ARRB1: variants seen among roughly 807,000 people sequenced by gnomAD.
ARRB1 encodes arrestin beta 1, also known as beta-arrestin-1.
A neutral mutation model predicts 56.8 loss-of-function variants in ARRB1; 21 were observed. The ratio of observed to expected loss-of-function variants is 0.37; its 90% CI spans 0.26 to 0.53. ARRB1 has a LOEUF of 0.53. Ranked by LOEUF, ARRB1 falls within the 20% of genes least tolerant of loss-of-function variation. The pLI, the probability that ARRB1 is intolerant of heterozygous loss-of-function variation, is 0.88. For synonymous variants in ARRB1, 210 were observed against 218.6 expected (o/e 0.96, Z 0.35); for missense variants, 424 against 553.7 (o/e 0.77, Z 2.35).
In ARRB1 at chr11:75,268,968, G is replaced by GAGACCC; in HGVS notation, c.1023-15_1023-10dup. ...GTTCCACGGCCACGTCGCTGAAACA[G>GAGACCC]AGACCCAGACCCAGTGAGCCTTGAG... is the stretch of plus-strand genomic sequence containing the variant. On this transcript the variant is annotated splice_polypyrimidine_tract_variant and intron_variant, in intron 13 of 15. Coordinates refer to ENST00000420843, the MANE Select transcript of ARRB1 (RefSeq NM_004041.5). 1 of 1,609,026 alleles carries GAGACCC rather than the reference G, an allele frequency of 6.2e-7. No individual in the cohort carries two copies. The highest frequency in any genetic ancestry group is 2.2e-5 in the East Asian group (1 of 44,826).
chr11:75,300,957 G>A, intron 1 of ARRB1, among the ~76,000 whole-genome samples: 1 of 121,488 alleles, frequency 8.2e-6, no homozygotes, highest in Non-Finnish European at 1.6e-5. Flanking sequence ...GACAGAGCGA[G>A]ACTCCGTCTC....
intron 9 of ARRB1, among the ~76,000 whole-genome samples, chr11:75,277,114 C>G (rs1946217929): frequency 6.6e-6 from 1 of 152,242 alleles, no homozygotes; most frequent in African/African-American, 2.4e-5. Flanking sequence ...AAAGCCTTCC[C>G]CTCAAGGACA....
chr11:75,314,643 C>T (rs1014121328), intron 1 of ARRB1, among the ~76,000 whole-genome samples: 3 of 152,136 alleles, frequency 2.0e-5, no homozygotes, highest in African/African-American at 7.2e-5. Context: ...CTTTGTTGCC[C>T]AGGCTGGAGT....
chr11:75,342,873 T>G (rs1466910069), intron 1 of ARRB1, among the ~76,000 whole-genome samples: 2 of 152,170 alleles, frequency 1.3e-5, no homozygotes, highest in Non-Finnish European at 2.9e-5. Flanking sequence ...GAAAATACAG[T>G]CTTCAAGCAA....
At chr11:75,280,357 G>T (rs373568536) in intron 7 of ARRB1, among the ~76,000 whole-genome samples, 4 of 152,198 alleles carry the variant, frequency 2.6e-5, no homozygotes, top group African/African-American at 9.6e-5. Context: ...CTCAGCCCAC[G>T]CCCTAAAAAG....
intron 1 of ARRB1, among the ~76,000 whole-genome samples, chr11:75,326,193 GGGA>G (rs1947430766): frequency 6.6e-6 from 1 of 152,226 alleles, no homozygotes; most frequent in African/African-American, 2.4e-5. Flanking sequence ...GCTCCAGGCT[GGGA>G]GGAGGAGGGT....
At chr11:75,346,679 T>C (rs1172386810) in intron 1 of ARRB1, among the ~76,000 whole-genome samples, 1 of 152,168 alleles carries the variant, frequency 6.6e-6, no homozygotes, top group African/African-American at 2.4e-5. Context: ...CCCTGCTTCT[T>C]TGGCTCCAAG....
chr11:75,317,824 G>C (rs531923795), intron 1 of ARRB1, among the ~76,000 whole-genome samples: 91 of 152,276 alleles, frequency 6.0e-4, no homozygotes, highest in Admixed American at 1.2e-3. Context: ...TGAGGACAGC[G>C]AGACTCTGAA....
chr11:75,314,914 C>T (rs1196820995), intron 1 of ARRB1, among the ~76,000 whole-genome samples: 1 of 152,180 alleles, frequency 6.6e-6, no homozygotes, highest in Non-Finnish European at 1.5e-5. Context: ...GCCAACAGTG[C>T]CTTTCTTCAC....
In ARRB1 at chr11:75,278,596, C is replaced by G. The variant is rs773562343; in HGVS notation, c.618+13G>C. On this transcript the variant is annotated intron_variant, in intron 8 of 15. Coordinates refer to ENST00000420843, the MANE Select transcript of ARRB1 (RefSeq NM_004041.5). Reference sequence around the variant, plus strand: ...GAGCAGCCCCCACCCCCTGCCAAGTCCGAGCCTCCTACCTCCTTATCCAGA... The same window carrying G: ...GAGCAGCCCCCACCCCCTGCCAAGTGCGAGCCTCCTACCTCCTTATCCAGA... 2 of 1,613,988 alleles carry G rather than the reference C, an allele frequency of 1.2e-6. No homozygotes were observed. Among genetic ancestry groups the G allele is most frequent in the South Asian group, 1.1e-5 (1 of 91,072 alleles).
chr11:75,284,310 T>C (rs754097421), intron 3 of ARRB1, 31 bp from the exon 4 acceptor site: 21 of 1,584,752 alleles, frequency 1.3e-5, no homozygotes, highest in Non-Finnish European at 1.8e-5. Context: ...AAGCGGCCTC[T>C]CCCAACCTGG....
chr11:75,342,866 A>G (rs1274362976), intron 1 of ARRB1, among the ~76,000 whole-genome samples: 1 of 152,196 alleles, frequency 6.6e-6, no homozygotes, highest in African/African-American at 2.4e-5. Flanking sequence ...GTTGTCAGAA[A>G]ATACAGTCTT....
chr11:75,329,821 C>T (rs1358557795), intron 1 of ARRB1, among the ~76,000 whole-genome samples: 1 of 151,996 alleles, frequency 6.6e-6, no homozygotes, highest in Non-Finnish European at 1.5e-5. Flanking sequence ...AGTAAGACTC[C>T]ATCTCTACAA....
chr11:75,320,249 T>C (rs1014852786), intron 1 of ARRB1, among the ~76,000 whole-genome samples: 1 of 152,170 alleles, frequency 6.6e-6, no homozygotes, highest in Non-Finnish European at 1.5e-5. Flanking sequence ...AGAGGATGGC[T>C]GCTGCCTGCC....
intron 1 of ARRB1, among the ~76,000 whole-genome samples, chr11:75,349,170 G>C (rs1947812351): frequency 6.6e-6 from 1 of 152,196 alleles, no homozygotes; most frequent in South Asian, 2.1e-4. Context: ...GGGACAGAAA[G>C]GCCTCATGGG....
At chr11:75,327,601 T>G (rs1433395500) in intron 1 of ARRB1, among the ~76,000 whole-genome samples, 3 of 149,474 alleles carry the variant, frequency 2.0e-5, no homozygotes, top group Non-Finnish European at 4.4e-5. Flanking sequence ...TTGTTTTTGT[T>G]TTTTTTTTTT....
In ARRB1 at chr11:75,307,156, C is replaced by A. The variant is rs111334393; in HGVS notation, c.21-17117G>T. Among the ~76,000 whole-genome samples the A allele has an allele frequency of 3.3e-4, 51 of 152,286 alleles. No homozygotes were observed. In the East Asian group the frequency reaches 5.6e-3, roughly 17 times the overall value. The stretch of plus-strand genomic sequence containing the variant: ...TCCTGTCTTCCCTTCCTCCCTGCCC[C>A]ACAGCAGCCAAGTTTATAAGTGCCC... On this transcript the variant is annotated intron_variant, in intron 1 of 15. Transcript: ENST00000420843.
Position 75,274,103 on chromosome 11 carries a change from G to A in ARRB1, c.885C>T (p.His295=), listed in dbSNP as rs369507407. The change falls in exon 11 of 16, where the codon CAC becomes CAT. Residue 295 remains histidine (H), a synonymous_variant. Coordinates refer to ENST00000420843, the MANE Select transcript of ARRB1 (RefSeq NM_004041.5). ...TGCTAGAGGCCAAGTTCGTGTCTTC[G>A]TGCTTGAGCTTCCCGTCCAAGGCGA... is the stretch of plus-strand genomic sequence containing the variant. ...RGLALDGKLK[H]EDTNLASSTL... 21 of 1,614,084 alleles carry A rather than the reference G, an allele frequency of 1.3e-5. No homozygotes were observed. Among genetic ancestry groups the A allele is most frequent in the African/African-American group, 5.3e-5 (4 of 74,942 alleles).
chr11:75,324,568 G>A (rs1259586557), intron 1 of ARRB1, among the ~76,000 whole-genome samples: 3 of 152,164 alleles, frequency 2.0e-5, no homozygotes, highest in Non-Finnish European at 4.4e-5. Context: ...AGCCCTCCCT[G>A]ATCACCGTTG....
Sources: gnomAD v4.1 joint callset for allele counts (sites outside exome capture counted in the v4.1 genomes callset) on GRCh38, gnomAD v4.1.1 for gene constraint, MANE v1.5 for transcripts, NCBI Gene and HGNC (gene_info 2026-07-23, HGNC 2026-07-21) for gene names.